Variants in SYCE3 observed in about 807,000 individuals in gnomAD.
The protein encoded by SYCE3 is synaptonemal complex central element protein 3.
SYCE3 carries 3 observed loss-of-function variants against 8.1 expected under a neutral mutation model. That is an observed-to-expected ratio of 0.37 (90% CI 0.17 to 0.96). The LOEUF is 0.96. Ranked by LOEUF, SYCE3 falls within the 40% of genes least tolerant of loss-of-function variation. The probability of loss-of-function intolerance (pLI) is 0.41; values close to 1 mark genes in which losing one functional copy is unlikely to be tolerated. For missense variants in SYCE3, 83 were observed against 110.0 expected (o/e 0.75, Z 1.10); for synonymous variants, 36 against 38.7 (o/e 0.93, Z 0.26).
At chr22:50,555,126 T>TAAATAAATAAAAATTTAA (rs1555890408) in intron 2 of SYCE3, among the ~76,000 whole-genome samples, 26 of 149,814 alleles carry the variant, frequency 1.7e-4, no homozygotes, top group African/African-American at 6.4e-4. Flanking sequence ...TGTCTTAAAA[T>TAAATAAATAAAAATTTAA]AAATAAATAA....
chr22:50,558,717 CT>C (rs1356469507), intron 1 of SYCE3, among the ~76,000 whole-genome samples: 1 of 152,108 alleles, frequency 6.6e-6, no homozygotes, highest in Non-Finnish European at 1.5e-5. Context: ...GGGCAGGGGG[CT>C]AATAGTGGGT....
intron 1 of SYCE3, among the ~76,000 whole-genome samples, chr22:50,557,934 C>T (rs774204112): frequency 2.0e-5 from 3 of 152,156 alleles, no homozygotes; most frequent in Admixed American, 6.5e-5. Context: ...TCCCTCATCA[C>T]GGTGCCTCTT....
Position 50,556,458 on chromosome 22 carries a change from C to T in SYCE3, c.1-53G>A, listed in dbSNP as rs1013283138. The stretch of plus-strand genomic sequence containing the variant: ...GTCAGACAGACCTACATTTCAAATC[C>T]AGCTCCACTGGTTATAACTCAGTGA... On this transcript the variant is annotated intron_variant, in intron 1 of 2. Transcript: ENST00000406915. The T allele has an allele frequency of 7.1e-6, 9 of 1,263,638 alleles. No individual in the cohort carries two copies. In the Admixed American group the frequency reaches 1.6e-4, roughly 23 times the overall value. 78.3% of individuals were successfully genotyped at this position (1,263,638 alleles called of 1,614,324 possible). A position where few individuals can be genotyped will look rare whatever the true frequency, so the allele number is the denominator to read the frequency against.
Position 50,562,852 on chromosome 22 carries a change from G to C in SYCE3, c.-1+6C>G, listed in dbSNP as rs1379776090. On this transcript the variant is annotated splice_donor_region_variant and intron_variant, in intron 1 of 2. Transcript: ENST00000406915. The stretch of plus-strand genomic sequence containing the variant: ...CCGGGGCCCAGGGGGGCGCGGCCTC[G>C]CTCACCTCCAGCTTGGCCCGCGCTC... 6.6e-6 allele frequency: 1 copy of C among 152,144 alleles called. No homozygotes were observed. The highest frequency in any genetic ancestry group is 1.5e-5 in the Non-Finnish European group (1 of 68,060). The allele number at this position is 152,144 out of a possible 1,614,324, so 9.4% of individuals were successfully genotyped here. A position where few individuals can be genotyped will look rare whatever the true frequency, so the allele number is the denominator to read the frequency against.
At chr22:50,556,481 T>C (rs969425248) in intron 1 of SYCE3, 76 bp from the exon 2 acceptor site, 3 of 1,021,992 alleles carry the variant, frequency 2.9e-6, no homozygotes, top group African/African-American at 1.6e-5. Flanking sequence ...TATAACTCAG[T>C]GATTTCTCTA....
At chr22:50,555,599 T>A (rs2069852479) in intron 2 of SYCE3, among the ~76,000 whole-genome samples, 1 of 152,124 alleles carries the variant, frequency 6.6e-6, no homozygotes, top group Non-Finnish European at 1.5e-5. Flanking sequence ...CCCGGAGGCT[T>A]CATCTGCATG....
At position 50,551,295 on chromosome 22, in the gene SYCE3, TCTC is replaced by T. The variant is rs1357330773; in HGVS notation, c.214_216del (p.Glu72del). 2.6e-6 allele frequency: 4 copies of T among 1,551,222 alleles called. No homozygotes were observed. Among genetic ancestry groups the T allele is most frequent in the Admixed American group, 3.9e-5 (2 of 50,966 alleles). On this transcript the variant is annotated inframe_deletion, in exon 3 of 3. Transcript: ENST00000406915. Reference sequence around the variant, plus strand: ...AGCAGCTCTTGCCAGTTCTTCTCCATCTCCTCCTTGCAGTTGACGAAGGCATCC... The same window carrying T: ...AGCAGCTCTTGCCAGTTCTTCTCCATCTCCTTGCAGTTGACGAAGGCATCC...
Position 50,556,333 on chromosome 22 carries a change from A to T in SYCE3, c.73T>A (p.Leu25Met). ...TCCATCTCTTCTAATAGCTTTTCCA[A>T]GTCCTTATTCAGATCTGACAGCATT... is the stretch of plus-strand genomic sequence containing the variant. ...LKMLSDLNKD[L>M]EKLLEEMEKI... Residue 25 changes from leucine (L) to methionine (M), a missense_variant, in exon 2 of 3, where the codon TTG becomes ATG. Coordinates refer to ENST00000406915, the MANE Select transcript of SYCE3 (RefSeq NM_001123225.3). 6.4e-7 allele frequency: 1 copy of T among 1,552,080 alleles called. No individual in the cohort carries two copies.
At chr22:50,552,785 G>A (rs958325014) in intron 2 of SYCE3, among the ~76,000 whole-genome samples, 4 of 152,132 alleles carry the variant, frequency 2.6e-5, no homozygotes, top group Non-Finnish European at 5.9e-5. Flanking sequence ...CGGGTCTTTT[G>A]GAGATGATTA....
At chr22:50,554,685 C>T (rs113906628) in intron 2 of SYCE3, among the ~76,000 whole-genome samples, 1,401 of 126,542 alleles carry the variant, frequency 0.011, 21 homozygotes, top group African/African-American at 0.039. Context: ...CAGAGCAAGA[C>T]TCCGTCTCAA....
chr22:50,552,283 G>T (rs2069816867), intron 2 of SYCE3, among the ~76,000 whole-genome samples: 2 of 152,194 alleles, frequency 1.3e-5, no homozygotes, highest in Non-Finnish European at 2.9e-5. Context: ...GGTGCAGCAG[G>T]GACCTGGGGC....
At chr22:50,555,355 A>C (rs58057169) in intron 2 of SYCE3, among the ~76,000 whole-genome samples, 12,736 of 152,174 alleles carry the variant, frequency 0.084, 1,183 homozygotes, top group African/African-American at 0.23. Flanking sequence ...AATAAAAGCT[A>C]TTTGGCCAGG....
chr22:50,561,462 A>T (rs2069914893), intron 1 of SYCE3, among the ~76,000 whole-genome samples: 1 of 144,780 alleles, frequency 6.9e-6, no homozygotes, highest in African/African-American at 2.5e-5. Flanking sequence ...AAGAGGCCTG[A>T]GCCCGCACCA....
At position 50,554,820 on chromosome 22, in the gene SYCE3, C is replaced by G. The variant is rs568199801; in HGVS notation, c.109+1477G>C. Among the ~76,000 whole-genome samples, 12 of 152,026 alleles carry G rather than the reference C, an allele frequency of 7.9e-5. No individual in the cohort carries two copies. In the South Asian group the frequency reaches 2.5e-3, roughly 32 times the overall value. On this transcript the variant is annotated intron_variant, in intron 2 of 2. Coordinates refer to ENST00000406915, the MANE Select transcript of SYCE3 (RefSeq NM_001123225.3). Reference sequence around the variant, plus strand: ...CTATCCTGGCCAACATGGTGAAACCCTGTCTCTATTAAAAATACAAGGCCA... The same window carrying G: ...CTATCCTGGCCAACATGGTGAAACCGTGTCTCTATTAAAAATACAAGGCCA...
chr22:50,557,661 A>G (rs1467677048), intron 1 of SYCE3, among the ~76,000 whole-genome samples: 2 of 152,220 alleles, frequency 1.3e-5, no homozygotes, highest in African/African-American at 2.4e-5. Flanking sequence ...ATATACATTA[A>G]TTCATTCTGT....
At chr22:50,557,444 C>T (rs185388432) in intron 1 of SYCE3, among the ~76,000 whole-genome samples, 41 of 152,260 alleles carry the variant, frequency 2.7e-4, no homozygotes, top group Middle Eastern at 3.4e-3. Flanking sequence ...ATGTGAGCCA[C>T]CACACCCAGC....
intron 2 of SYCE3, among the ~76,000 whole-genome samples, chr22:50,555,264 C>T (rs2069848889): frequency 6.6e-6 from 1 of 152,190 alleles, no homozygotes; most frequent in African/African-American, 2.4e-5. Flanking sequence ...ATACGTGTCT[C>T]AGCTATTCAT....
chr22:50,554,983 G>A (rs186269119), intron 2 of SYCE3, among the ~76,000 whole-genome samples: 12,563 of 151,090 alleles, frequency 0.083, 1,127 homozygotes, highest in African/African-American at 0.23. Context: ...TTAGCCAGGC[G>A]TGGTGGCGGG....
chr22:50,552,601 A>G (rs1055340732), intron 2 of SYCE3, among the ~76,000 whole-genome samples: 2 of 152,080 alleles, frequency 1.3e-5, no homozygotes, highest in African/African-American at 2.4e-5. Context: ...GAGGTTATAT[A>G]TACATAAATC....
Sources: allele counts gnomAD v4.1 joint callset (sites outside exome capture counted in the v4.1 genomes callset), GRCh38; gene constraint gnomAD v4.1.1; transcripts MANE v1.5; gene names NCBI Gene and HGNC (gene_info 2026-07-23, HGNC 2026-07-21).